Variants in SEMA3E observed in about 807,000 individuals in gnomAD.
The protein encoded by SEMA3E is semaphorin-3E.
In SEMA3E, 49 loss-of-function variants were observed where a neutral mutation model predicts 93.6. The ratio of observed to expected loss-of-function variants is 0.52; its 90% CI spans 0.42 to 0.66. The LOEUF is 0.66. Among genes scored for constraint, SEMA3E ranks in the 30% least tolerant of loss-of-function variants. The pLI is 0.00. For synonymous variants in SEMA3E, 363 were observed against 330.7 expected (o/e 1.10, Z -1.06); for missense variants, 906 against 964.8 (o/e 0.94, Z 0.81).
intron 5 of SEMA3E, among the ~76,000 whole-genome samples, chr7:83,410,174 T>C (rs923158054): frequency 6.6e-6 from 1 of 151,884 alleles, no homozygotes; most frequent in Non-Finnish European, 1.5e-5. Flanking sequence ...ATACAATCTA[T>C]GGTTTCCAAA....
At chr7:83,467,897 T>A (rs1258296142) in intron 3 of SEMA3E, among the ~76,000 whole-genome samples, 5 of 96,136 alleles carry the variant, frequency 5.2e-5, no homozygotes, top group East Asian at 6.8e-4. Context: ...ATACTGAATT[T>A]AAAAAAATAG....
In SEMA3E at chr7:83,368,056, T is replaced by C; in HGVS notation, c.1876-18A>G. Reference sequence around the variant, plus strand: ...GTCTTCACCTGCAAAAACAAAAAAGTAAATGGCACTGAAGTACACAGGAGA... The same window carrying C: ...GTCTTCACCTGCAAAAACAAAAAAGCAAATGGCACTGAAGTACACAGGAGA... On this transcript the variant is annotated intron_variant, in intron 16 of 16. Coordinates refer to ENST00000643230, the MANE Select transcript of SEMA3E (RefSeq NM_012431.3). The C allele has an allele frequency of 6.2e-7, 1 of 1,605,060 alleles. No homozygotes were observed. The highest frequency in any genetic ancestry group is 8.5e-7 in the Non-Finnish European group (1 of 1,172,774).
intron 4 of SEMA3E, among the ~76,000 whole-genome samples, chr7:83,423,472 C>G (rs1788708231): frequency 6.6e-6 from 1 of 150,842 alleles, no homozygotes. Context: ...AAATTAAACT[C>G]TTCTGGTTTG....
chr7:83,632,107 A>G (rs1793797177), intron 1 of SEMA3E, among the ~76,000 whole-genome samples: 1 of 151,518 alleles, frequency 6.6e-6, no homozygotes, highest in Non-Finnish European at 1.5e-5. Flanking sequence ...GTGAGCCGAG[A>G]GCACACCATT....
intron 1 of SEMA3E, among the ~76,000 whole-genome samples, chr7:83,634,400 A>G (rs1436096081): frequency 2.0e-5 from 3 of 152,130 alleles, no homozygotes; most frequent in African/African-American, 7.2e-5. Context: ...TTCTCCAGAT[A>G]GGAAAAATCC....
rs1162366156 is a variant in SEMA3E, at chr7:83,474,115, AAG to A, written c.277-4815_277-4814del. On this transcript the variant is annotated intron_variant, in intron 2 of 16. Coordinates refer to ENST00000643230, the MANE Select transcript of SEMA3E (RefSeq NM_012431.3). ...TCAATTAAAAAAAAAAAAAAAAAAA[AAG>A]AAAAATAAGACGTATGCTTTTTCTT... is the stretch of plus-strand genomic sequence containing the variant. Among the ~76,000 whole-genome samples the A allele has an allele frequency of 2.0e-3, 299 of 151,080 alleles. 3 individuals carry two copies. Among genetic ancestry groups the A allele is most frequent in the African/African-American group, 6.9e-3 (282 of 41,128 alleles).
chr7:83,583,646 T>C (rs936411780), intron 1 of SEMA3E, among the ~76,000 whole-genome samples: 2 of 152,160 alleles, frequency 1.3e-5, no homozygotes, highest in African/African-American at 2.4e-5. Context: ...TTCTTGTCAG[T>C]AACTGGTTAG....
intron 1 of SEMA3E, among the ~76,000 whole-genome samples, chr7:83,526,436 A>G (rs942197023): frequency 3.3e-5 from 5 of 152,168 alleles, no homozygotes; most frequent in Admixed American, 1.3e-4. Context: ...TAGAAAGGTT[A>G]TATTGGATAA....
intron 1 of SEMA3E, among the ~76,000 whole-genome samples, chr7:83,556,268 A>G (rs1275405951): frequency 1.3e-5 from 2 of 152,190 alleles, no homozygotes; most frequent in Non-Finnish European, 2.9e-5. Flanking sequence ...TTTGGAAAAT[A>G]TGCTTTCCAG....
intron 2 of SEMA3E, 96 bp from the exon 3 acceptor site, chr7:83,469,398 C>CTTTTTTTTTTTTTTTTTTT (rs10650403): frequency 1.9e-6 from 1 of 530,596 alleles, no homozygotes. Context: ...AAAACATTTC[C>CTTTTTTTTTTTTTTTTTTT]TTTTTTTTTT....
chr7:83,506,032 A>AAAAAT (rs1554333681), intron 1 of SEMA3E, among the ~76,000 whole-genome samples: 12 of 119,734 alleles, frequency 1.0e-4, no homozygotes, highest in African/African-American at 3.9e-4. Flanking sequence ...AAAAAAAAAA[A>AAAAAT]ATATATATAT....
At chr7:83,377,592 G>A (rs943188183) in intron 16 of SEMA3E, among the ~76,000 whole-genome samples, 1 of 151,822 alleles carries the variant, frequency 6.6e-6, no homozygotes, top group Admixed American at 6.6e-5. Flanking sequence ...TAATTGTCAG[G>A]TTCAGGGGAA....
At chr7:83,569,246 A>T (rs1792225681) in intron 1 of SEMA3E, among the ~76,000 whole-genome samples, 1 of 152,098 alleles carries the variant, frequency 6.6e-6, no homozygotes, top group South Asian at 2.1e-4. Context: ...GATACAAACA[A>T]ATGGAAAGAT....
rs186466455 is a variant in SEMA3E at position 83,375,305 on chromosome 7, T to C, written c.1876-7267A>G. On this transcript the variant is annotated intron_variant, in intron 16 of 16. Coordinates refer to ENST00000643230, the MANE Select transcript of SEMA3E (RefSeq NM_012431.3). The stretch of plus-strand genomic sequence containing the variant: ...TTTTAAAATTACTCCTTATGATAAG[T>C]ACATCTTTCCTGGCACTGAGACTTG... 1.4e-4 allele frequency among the ~76,000 whole-genome samples: 21 copies of C among 152,266 alleles called. 1 individual carries two copies. The highest frequency in any genetic ancestry group is 1.3e-3 in the Admixed American group (20 of 15,284).
At chr7:83,393,422 C>G (rs762516614) in intron 13 of SEMA3E, among the ~76,000 whole-genome samples, 2 of 151,974 alleles carry the variant, frequency 1.3e-5, no homozygotes, top group African/African-American at 4.8e-5. Context: ...CAGCTACTCA[C>G]GAGGCTGACA....
Position 83,392,430 on chromosome 7 carries a change from G to T in SEMA3E, c.1667+125C>A, listed in dbSNP as rs567663741. The T allele has an allele frequency of 1.1e-4, 116 of 1,067,090 alleles. No homozygotes were observed. The African/African-American group carries it at 1.7e-3, about 16-fold the overall frequency. The allele number at this position is 1,067,090 out of a possible 1,614,324, so 66.1% of individuals were successfully genotyped here. A position where few individuals can be genotyped will look rare whatever the true frequency, so the allele number is the denominator to read the frequency against. ...ATAAAAGGTCAACAGCATGTTCAGT[G>T]CCAGTCTCTGTACACAATAATTAAT... is the stretch of plus-strand genomic sequence containing the variant. On this transcript the variant is annotated intron_variant, in intron 14 of 16. Transcript: ENST00000643230.
intron 6 of SEMA3E, among the ~76,000 whole-genome samples, chr7:83,407,474 TAAAA>T (rs770410848): frequency 2.6e-5 from 4 of 151,990 alleles, no homozygotes; most frequent in Non-Finnish European, 5.9e-5. Flanking sequence ...AATTGGAAAA[TAAAA>T]GAATCCAGGA....
chr7:83,385,704 A>C (rs1787865224), intron 15 of SEMA3E, among the ~76,000 whole-genome samples: 1 of 152,140 alleles, frequency 6.6e-6, no homozygotes, highest in Non-Finnish European at 1.5e-5. Flanking sequence ...AGTAAGAAGC[A>C]TCAGTGTTAA....
chr7:83,638,492 C>T (rs1286685208), intron 1 of SEMA3E, among the ~76,000 whole-genome samples: 1 of 152,192 alleles, frequency 6.6e-6, no homozygotes, highest in African/African-American at 2.4e-5. Context: ...CATCATGCTA[C>T]AATTTACACC....
Sources: gnomAD v4.1 joint callset for allele counts (sites outside exome capture counted in the v4.1 genomes callset) on GRCh38, gnomAD v4.1.1 for gene constraint, MANE v1.5 for transcripts, NCBI Gene and HGNC (gene_info 2026-07-23, HGNC 2026-07-21) for gene names.